Variants in INPP5A observed in about 807,000 individuals in gnomAD.
INPP5A encodes the protein inositol polyphosphate-5-phosphatase A, also known as 43 kDa inositol polyphosphate 5-phophatase.
A neutral mutation model predicts 65.2 loss-of-function variants in INPP5A; 14 were observed. The ratio of observed to expected loss-of-function variants is 0.21; its 90% CI spans 0.14 to 0.34. INPP5A has a LOEUF of 0.34. Ranked by LOEUF, INPP5A falls within the 10% of genes least tolerant of loss-of-function variation. The pLI is 1.00. For missense variants in INPP5A, 431 were observed against 545.6 expected (o/e 0.79, Z 2.09); for synonymous variants, 207 against 208.3 (o/e 0.99, Z 0.05).
chr10:132,584,802 C>CA (rs1349333242), intron 1 of INPP5A, among the ~76,000 whole-genome samples: 3 of 152,210 alleles, frequency 2.0e-5, no homozygotes, highest in African/African-American at 7.2e-5. Context: ...GTGGCCCACT[C>CA]ACAGTTCCCT....
intron 1 of INPP5A, among the ~76,000 whole-genome samples, chr10:132,604,526 G>A (rs1373747658): frequency 6.6e-6 from 1 of 152,214 alleles, no homozygotes; most frequent in Non-Finnish European, 1.5e-5. Flanking sequence ...GGGGGGAAAG[G>A]GGTGTCTTAA....
Position 132,761,851 on chromosome 10 carries a change from C to G in INPP5A, c.904-3922C>G, listed in dbSNP as rs540083118. Reference sequence around the variant, plus strand: ...GAAATACAACAAAGGCAGGACAGACCGTCAATAATGCCAAATCATCGAATA... The same window carrying G: ...GAAATACAACAAAGGCAGGACAGACGGTCAATAATGCCAAATCATCGAATA... On this transcript the variant is annotated intron_variant, in intron 11 of 15. Transcript: ENST00000368594. 1.3e-5 allele frequency among the ~76,000 whole-genome samples: 2 copies of G among 151,858 alleles called. 1 individual carries two copies. Among genetic ancestry groups the G allele is most frequent in the South Asian group, 4.2e-4 (2 of 4,798 alleles).
At chr10:132,648,998 G>A (rs923947413) in intron 3 of INPP5A, among the ~76,000 whole-genome samples, 12 of 151,902 alleles carry the variant, frequency 7.9e-5, no homozygotes, top group African/African-American at 2.9e-4. Context: ...TTGTTCTTAG[G>A]CTCCAGTTAC....
chr10:132,571,500 A>G (rs951921820), intron 1 of INPP5A, among the ~76,000 whole-genome samples: 1 of 152,244 alleles, frequency 6.6e-6, no homozygotes, highest in African/African-American at 2.4e-5. Flanking sequence ...ACCACTGATA[A>G]TCAAAACCAC....
rs2071035414 is a variant in INPP5A, at chr10:132,550,434, T to TGTGACTA, written c.75+12268_75+12269insTAGTGAC. Among the ~76,000 whole-genome samples, 1 of 152,212 alleles carries TGTGACTA rather than the reference T, an allele frequency of 6.6e-6. No individual in the cohort carries two copies. The highest frequency in any genetic ancestry group is 1.5e-5 in the Non-Finnish European group (1 of 68,022). ...GAGGTTCTGCATAGCTAGTGCCACCTGTGACACTGCTGTCACTCCAAGGTG... is the reference window on the plus strand; with the variant it reads ...GAGGTTCTGCATAGCTAGTGCCACCTGTGACTAGTGACACTGCTGTCACTCCAAGGTG... On this transcript the variant is annotated intron_variant, in intron 1 of 15. Transcript: ENST00000368594. This position sits in a 1 kb window ranked among gnomAD's most constrained non-coding sequence, Gnocchi z 4.2.
In INPP5A at chr10:132,767,965, T is replaced by C. The variant is rs574447646; in HGVS notation, c.977+2119T>C. ...CCCAGTGGCATTCCAGAAAGATCCA[T>C]GGATCCCTGACCCTCAGTGTTCCCA... is the stretch of plus-strand genomic sequence containing the variant. On this transcript the variant is annotated intron_variant, in intron 12 of 15. Transcript: ENST00000368594. Among the ~76,000 whole-genome samples the C allele has an allele frequency of 8.0e-5, 11 of 138,092 alleles. No homozygotes were observed. In the South Asian group the frequency reaches 2.6e-3, roughly 32 times the overall value. 90.6% of individuals were successfully genotyped at this position (138,092 alleles called of 152,430 possible).
In INPP5A at chr10:132,548,636, A is replaced by G. The variant is rs540091774; in HGVS notation, c.75+10465A>G. ...GTCCCTGCTCCCGGCCCTGGGCCAC[A>G]ACTGCTTTCTGTCCCGCCAGTTTCG... On this transcript the variant is annotated intron_variant, in intron 1 of 15. Transcript: ENST00000368594. 2.6e-5 allele frequency among the ~76,000 whole-genome samples: 4 copies of G among 152,244 alleles called. No homozygotes were observed. The East Asian group carries it at 5.8e-4, about 22-fold the overall frequency.
At chr10:132,589,470 G>A (rs957545504) in intron 1 of INPP5A, among the ~76,000 whole-genome samples, 2 of 152,258 alleles carry the variant, frequency 1.3e-5, no homozygotes, top group Non-Finnish European at 2.9e-5. Context: ...GGTCCAAGCC[G>A]AGGCACTCGC....
rs1009759759 is a variant in INPP5A, at chr10:132,744,242, G to GC, written c.733-5269dup. Among the ~76,000 whole-genome samples the GC allele has an allele frequency of 5.3e-4, 81 of 152,304 alleles. 1 individual carries two copies. The highest frequency in any genetic ancestry group is 5.1e-3 in the Admixed American group (78 of 15,302). ...TGGTTGGATGAGAAAAGTTAGTTGA[G>GC]CCCCCCACGGATTGACTCAGCAGCT... On this transcript the variant is annotated intron_variant, in intron 9 of 15. Coordinates refer to ENST00000368594, the MANE Select transcript of INPP5A (RefSeq NM_005539.5).
intron 1 of INPP5A, among the ~76,000 whole-genome samples, chr10:132,578,929 A>C (rs1441635687): frequency 6.6e-6 from 1 of 152,178 alleles, no homozygotes; most frequent in Non-Finnish European, 1.5e-5. Flanking sequence ...TCTGTGGTGC[A>C]GGGTAGAGGT....
intron 4 of INPP5A, among the ~76,000 whole-genome samples, chr10:132,680,546 C>A (rs1419157253): frequency 6.6e-6 from 1 of 152,272 alleles, no homozygotes; most frequent in Non-Finnish European, 1.5e-5. Context: ...TCTGCCTGGG[C>A]TCCCACTTTG....
At chr10:132,700,565 C>G (rs1246107742) in intron 6 of INPP5A, among the ~76,000 whole-genome samples, 1 of 152,132 alleles carries the variant, frequency 6.6e-6, no homozygotes, top group Non-Finnish European at 1.5e-5. Flanking sequence ...TATGTGGCAC[C>G]CTGTGTCCTT....
chr10:132,763,760 CAT>C (rs1290436562), intron 11 of INPP5A, among the ~76,000 whole-genome samples: 1 of 152,190 alleles, frequency 6.6e-6, no homozygotes, highest in African/African-American at 2.4e-5. Flanking sequence ...TACAAACACA[CAT>C]GCCGTTGCAC....
At chr10:132,646,105 T>A (rs1284610171) in intron 3 of INPP5A, 137 bp downstream of exon 3, 1 of 650,288 alleles carries the variant, frequency 1.5e-6, no homozygotes, top group East Asian at 2.8e-5. Context: ...TGAGTCTCAG[T>A]TTTCCAAAGA....
At chr10:132,568,633 C>A (rs1197152135) in intron 1 of INPP5A, among the ~76,000 whole-genome samples, 1 of 151,744 alleles carries the variant, frequency 6.6e-6, no homozygotes, top group East Asian at 1.9e-4. Context: ...GTTGGGCACC[C>A]GTAATATCAG....
chr10:132,710,572 GGGTGGAC>G, intron 8 of INPP5A, 116 bp downstream of exon 8: 1 of 1,371,440 alleles, frequency 7.3e-7, no homozygotes, highest in Admixed American at 2.1e-5. Flanking sequence ...AGGTCGGTGT[GGGTGGAC>G]AGGTAGGTGG....
At chr10:132,596,904 T>TGCATGTGTGCGC (rs2071700889) in intron 1 of INPP5A, among the ~76,000 whole-genome samples, 1 of 80,190 alleles carries the variant, frequency 1.2e-5, no homozygotes, top group African/African-American at 3.6e-5. Flanking sequence ...GAGGCTCCTG[T>TGCATGTGTGCGC]GCATGTGTGC....
intron 1 of INPP5A, among the ~76,000 whole-genome samples, chr10:132,591,844 A>G (rs1414817398): frequency 3.9e-5 from 6 of 152,040 alleles, no homozygotes; most frequent in Admixed American, 3.9e-4. Context: ...CTCCCCCGAT[A>G]TGTCAGGTGA....
At chr10:132,635,459 G>A (rs1287227965) in intron 2 of INPP5A, among the ~76,000 whole-genome samples, 54 of 125,338 alleles carry the variant, frequency 4.3e-4, no homozygotes, top group Admixed American at 1.0e-4. Flanking sequence ...GCAGTGGCGC[G>A]ATCTTGGCTC....
Sources: allele counts gnomAD v4.1 joint callset (sites outside exome capture counted in the v4.1 genomes callset), GRCh38; gene constraint gnomAD v4.1.1; non-coding constraint Gnocchi (gnomAD v3.1); transcripts MANE v1.5; gene names NCBI Gene and HGNC (gene_info 2026-07-23, HGNC 2026-07-21).